The following TENT5C variants were observed in gnomAD, a reference collection of about 807,000 sequenced individuals.
The protein encoded by TENT5C is family with sequence similarity 46 member C.
TENT5C carries 5 observed loss-of-function variants against 22.2 expected under a neutral mutation model. That is an observed-to-expected ratio of 0.22 (90% CI 0.12 to 0.47). The LOEUF is 0.47. Among genes scored for constraint, TENT5C ranks in the 20% least tolerant of loss-of-function variants. TENT5C has a pLI of 0.99. For missense variants in TENT5C, 364 were observed against 500.9 expected (o/e 0.73, Z 2.61); for synonymous variants, 199 against 195.4 (o/e 1.02, Z -0.15).
At position 117,626,103 on chromosome 1, in the gene TENT5C, A is replaced by T. The variant is rs1654006073; in HGVS notation, c.*2059A>T. The T allele has an allele frequency of 4.0e-6, 1 of 247,886 alleles. No individual in the cohort carries two copies. Among genetic ancestry groups the T allele is most frequent in the African/African-American group, 2.2e-5 (1 of 45,324 alleles). 15.4% of individuals were successfully genotyped at this position (247,886 alleles called of 1,614,324 possible). Reference sequence around the variant, plus strand: ...AATGGCATGTGTTTGCACAAAAATGACCGATGTGTTTAACCAAAGCTTTGA... The same window carrying T: ...AATGGCATGTGTTTGCACAAAAATGTCCGATGTGTTTAACCAAAGCTTTGA... On this transcript the variant is annotated 3_prime_UTR_variant, in exon 2 of 2. Transcript: ENST00000369448.
intron 1 of TENT5C, among the ~76,000 whole-genome samples, chr1:117,613,322 A>G (rs998659945): frequency 6.6e-6 from 1 of 152,244 alleles, no homozygotes; most frequent in Non-Finnish European, 1.5e-5. Flanking sequence ...CAACCACGTC[A>G]GAGTATACCT....
chr1:117,619,881 G>A (rs141989734), intron 1 of TENT5C, among the ~76,000 whole-genome samples: 1 of 151,706 alleles, frequency 6.6e-6, no homozygotes, highest in African/African-American at 2.4e-5. Flanking sequence ...TGTCTTTTTG[G>A]GCCAATAACA....
At position 117,624,997 on chromosome 1, in the gene TENT5C, A is replaced by G. The variant is rs1229386838; in HGVS notation, c.*953A>G. On this transcript the variant is annotated 3_prime_UTR_variant, in exon 2 of 2. Coordinates refer to ENST00000369448, the MANE Select transcript of TENT5C (RefSeq NM_017709.4). ...GTCCAGAGTCATTGTGGTAACTGACATGAGGGTCTTCCCATGTTTTAACTG... is the reference window on the plus strand; with the variant it reads ...GTCCAGAGTCATTGTGGTAACTGACGTGAGGGTCTTCCCATGTTTTAACTG... The G allele has an allele frequency of 8.1e-6, 2 of 247,960 alleles. No homozygotes were observed. Among genetic ancestry groups the G allele is most frequent in the South Asian group, 1.8e-4 (1 of 5,526 alleles). The allele number at this position is 247,960 out of a possible 1,614,324, so 15.4% of individuals were successfully genotyped here. A position where few individuals can be genotyped will look rare whatever the true frequency, so the allele number is the denominator to read the frequency against.
At chr1:117,614,900 ACTGT>A (rs1335243410) in intron 1 of TENT5C, among the ~76,000 whole-genome samples, 1 of 152,014 alleles carries the variant, frequency 6.6e-6, no homozygotes, top group Admixed American at 6.5e-5. Context: ...TAAAATCACC[ACTGT>A]TCTGCAACGT....
chr1:117,606,453 A>T (rs951408050), intron 1 of TENT5C, among the ~76,000 whole-genome samples: 1 of 152,208 alleles, frequency 6.6e-6, no homozygotes. Flanking sequence ...AACTCCAGCG[A>T]GTTCCTGCTC....
intron 1 of TENT5C, among the ~76,000 whole-genome samples, chr1:117,609,638 G>A (rs773189178): frequency 6.6e-6 from 1 of 152,214 alleles, no homozygotes; most frequent in Non-Finnish European, 1.5e-5. Context: ...CTCTGGATGC[G>A]AGAGGAGCTG....
chr1:117,612,558 T>C (rs1450698726), intron 1 of TENT5C, among the ~76,000 whole-genome samples: 2 of 152,184 alleles, frequency 1.3e-5, no homozygotes, highest in African/African-American at 4.8e-5. Context: ...TGACAGCACA[T>C]TAATTACTTG....
At chr1:117,620,303 G>C (rs1653864875) in intron 1 of TENT5C, among the ~76,000 whole-genome samples, 1 of 152,180 alleles carries the variant, frequency 6.6e-6, no homozygotes, top group African/African-American at 2.4e-5. Context: ...GTTCTTGCTG[G>C]AGATTTTAAA....
rs564618381 is a variant in TENT5C, at chr1:117,618,895, T to A, written c.-27-3947T>A. On this transcript the variant is annotated intron_variant, in intron 1 of 1. Coordinates refer to ENST00000369448, the MANE Select transcript of TENT5C (RefSeq NM_017709.4). The stretch of plus-strand genomic sequence containing the variant: ...ACAGTTTTGCTGTTAGCAGTTTTGC[T>A]ATTAACTTGTTTTTCTATTAATGAG... Among the ~76,000 whole-genome samples the A allele has an allele frequency of 6.6e-5, 10 of 152,348 alleles. No individual in the cohort carries two copies. The South Asian group carries it at 2.1e-3, about 32-fold the overall frequency.
rs769764155 is a variant in TENT5C at position 117,623,190 on chromosome 1, G to A, written c.322G>A (p.Val108Ile). The change falls in exon 2 of 2, where the codon GTT (valine) becomes ATT (isoleucine). Residue 108 changes from valine to isoleucine, a missense_variant. Physicochemically the swap from Val to Ile is conservative, Grantham distance 29. Transcript: ENST00000369448. ...ALPTEAEFQL[V>I]RDVVLCSLLN... Reference sequence around the variant, plus strand: ...TCCAACAGAGGCAGAATTTCAGCTGGTTAGAGATGTGGTTCTGTGTTCCCT... The same window carrying A: ...TCCAACAGAGGCAGAATTTCAGCTGATTAGAGATGTGGTTCTGTGTTCCCT... The A allele has an allele frequency of 6.2e-7, 1 of 1,614,172 alleles. No individual in the cohort carries two copies. The highest frequency in any genetic ancestry group is 8.5e-7 in the Non-Finnish European group (1 of 1,180,028).
chr1:117,612,647 G>A (rs894687032), intron 1 of TENT5C, among the ~76,000 whole-genome samples: 2 of 152,132 alleles, frequency 1.3e-5, no homozygotes, highest in Admixed American at 6.5e-5. Flanking sequence ...AACTCCTAAG[G>A]GAAGGATCCA....
At chr1:117,608,763 CT>C (rs5777320) in intron 1 of TENT5C, among the ~76,000 whole-genome samples, 23,567 of 138,552 alleles carry the variant, frequency 0.17, 1,642 homozygotes, top group Admixed American at 0.25. Context: ...TGAGTTGAAC[CT>C]TTTTTTTTTT....
chr1:117,627,433 T>C lies in TENT5C; in HGVS notation c.*3389T>C. The C allele has an allele frequency of 4.0e-6, 1 of 248,174 alleles. No homozygotes were observed. The highest frequency in any genetic ancestry group is 6.0e-5 in the East Asian group (1 of 16,592). 15.4% of individuals were successfully genotyped at this position (248,174 alleles called of 1,614,324 possible). On this transcript the variant is annotated 3_prime_UTR_variant, in exon 2 of 2. Coordinates refer to ENST00000369448, the MANE Select transcript of TENT5C (RefSeq NM_017709.4). ...CTTCCTAACTTGAGGAATAACTCCT[T>C]TGTAGTTTACTTTCTGGTACTGGTT... is the stretch of plus-strand genomic sequence containing the variant.
chr1:117,606,812 A>T lies in TENT5C; in HGVS notation c.-28+659A>T, dbSNP rs150122804. Among the ~76,000 whole-genome samples the T allele has an allele frequency of 5.3e-5, 8 of 152,336 alleles. No individual in the cohort carries two copies. In the East Asian group the frequency reaches 1.5e-3, roughly 29 times the overall value. On this transcript the variant is annotated intron_variant, in intron 1 of 1. Coordinates refer to ENST00000369448, the MANE Select transcript of TENT5C (RefSeq NM_017709.4). The stretch of plus-strand genomic sequence containing the variant: ...TCCTTAAATTTAATGCGCTCACATC[A>T]GACTGTGGACACCATGAGCAGCAAA...
chr1:117,606,075 C>T lies in TENT5C; in HGVS notation c.-106C>T, dbSNP rs1447816995. 7.2e-5 allele frequency: 11 copies of T among 152,506 alleles called. No homozygotes were observed. In the East Asian group the frequency reaches 1.7e-3, roughly 24 times the overall value. The allele number at this position is 152,506 out of a possible 1,614,324, so 9.4% of individuals were successfully genotyped here. A position where few individuals can be genotyped will look rare whatever the true frequency, so the allele number is the denominator to read the frequency against. On this transcript the variant is annotated 5_prime_UTR_variant, in exon 1 of 2. Coordinates refer to ENST00000369448, the MANE Select transcript of TENT5C (RefSeq NM_017709.4). ...CTCACTCGGTGCCGCTGCCTAGGGG[C>T]TGTAGAGGTCGCGCCGCTCCTGCTG...
At chr1:117,608,920 G>C (rs1345701302) in intron 1 of TENT5C, among the ~76,000 whole-genome samples, 5 of 152,140 alleles carry the variant, frequency 3.3e-5, no homozygotes, top group Non-Finnish European at 7.3e-5. Context: ...TAGGAGTTAA[G>C]GAGTAATGTG....
intron 1 of TENT5C, among the ~76,000 whole-genome samples, chr1:117,607,961 A>G (rs907686735): frequency 6.6e-6 from 1 of 152,114 alleles, no homozygotes; most frequent in Non-Finnish European, 1.5e-5. Context: ...CTCTTAAGGT[A>G]TACCCATAGC....
chr1:117,615,927 G>A (rs1438582733), intron 1 of TENT5C, among the ~76,000 whole-genome samples: 2 of 152,218 alleles, frequency 1.3e-5, no homozygotes, highest in African/African-American at 2.4e-5. Flanking sequence ...TGAACAGAAG[G>A]TTGCTGTGTC....
intron 1 of TENT5C, among the ~76,000 whole-genome samples, chr1:117,616,238 A>G (rs1009191073): frequency 1.3e-5 from 2 of 152,250 alleles, no homozygotes; most frequent in Non-Finnish European, 2.9e-5. Context: ...TGGGAATTGA[A>G]GTGAAGTGGC....
Sources: gnomAD v4.1 joint callset for allele counts (sites outside exome capture counted in the v4.1 genomes callset) on GRCh38, gnomAD v4.1.1 for gene constraint, MANE v1.5 for transcripts, NCBI Gene and HGNC (gene_info 2026-07-23, HGNC 2026-07-21) for gene names.